MYT1L: variants seen among roughly 807,000 people sequenced by gnomAD.
The protein encoded by MYT1L is myelin transcription factor 1 like.
In MYT1L, 12 loss-of-function variants were observed where a neutral mutation model predicts 126.7. The observed-to-expected ratio is 0.09, with a 90% CI of 0.06 to 0.15. MYT1L has a LOEUF of 0.15. MYT1L is among the 10% of genes least tolerant of loss of function. The probability of loss-of-function intolerance (pLI) is 1.00; values close to 1 mark genes in which losing one functional copy is unlikely to be tolerated. For missense variants in MYT1L, 979 were observed against 1,585.2 expected (o/e 0.62, Z 6.49); for synonymous variants, 541 against 604.2 (o/e 0.90, Z 1.53).
At chr2:1,861,997 A>ATCTGCCTGC (rs1558192114) in intron 18 of MYT1L, among the ~76,000 whole-genome samples, 23 of 151,346 alleles carry the variant, frequency 1.5e-4, no homozygotes, top group South Asian at 2.1e-4. Context: ...GTAATCCTGG[A>ATCTGCCTGC]ATTCGCTGAG....
chr2:2,098,335 T>C (rs532574192), intron 3 of MYT1L, among the ~76,000 whole-genome samples: 10 of 152,340 alleles, frequency 6.6e-5, no homozygotes, highest in Admixed American at 4.6e-4. Context: ...GGTCTGAACA[T>C]TGAATAAGAT....
chr2:2,033,952 G>T (rs73913043), intron 4 of MYT1L, among the ~76,000 whole-genome samples: 19,113 of 152,070 alleles, frequency 0.13, 1,455 homozygotes, highest in African/African-American at 0.19. Flanking sequence ...TTACAGAGAG[G>T]GTCAGCTCAA....
intron 3 of MYT1L, among the ~76,000 whole-genome samples, chr2:2,123,584 C>A (rs899991305): frequency 6.6e-6 from 1 of 152,200 alleles, no homozygotes; most frequent in African/African-American, 2.4e-5. Flanking sequence ...TCCTCCTGCT[C>A]TGGCCTTACA....
chr2:2,211,244 TC>T (rs1443294465), intron 2 of MYT1L, among the ~76,000 whole-genome samples: 1 of 152,238 alleles, frequency 6.6e-6, no homozygotes, highest in African/African-American at 2.4e-5. Context: ...AGTTTAAACA[TC>T]CCTTATAGCC....
chr2:1,803,152 A>C (rs143914396), intron 22 of MYT1L, among the ~76,000 whole-genome samples: 68 of 152,274 alleles, frequency 4.5e-4, no homozygotes, highest in Admixed American at 8.5e-4. Context: ...AGTGAAACGA[A>C]AAAAAAGTTA....
chr2:2,320,161 A>G (rs574057658), intron 1 of MYT1L, among the ~76,000 whole-genome samples: 2 of 152,242 alleles, frequency 1.3e-5, no homozygotes, highest in South Asian at 4.1e-4. Flanking sequence ...GTGGCTGGAA[A>G]GTCCCACTGG....
chr2:1,979,663 G>C lies in MYT1L; in HGVS notation c.55+60C>G, dbSNP rs1283927197. The C allele has an allele frequency of 2.6e-5, 42 of 1,608,876 alleles. No homozygotes were observed. Among genetic ancestry groups the C allele is most frequent in the Non-Finnish European group, 3.3e-5 (39 of 1,175,482 alleles). On this transcript the variant is annotated intron_variant, in intron 6 of 24. Coordinates refer to ENST00000647738, the MANE Select transcript of MYT1L (RefSeq NM_001303052.2). This position sits in a 1 kb window ranked among gnomAD's most constrained non-coding sequence, Gnocchi z 4.0. ...GAAAGTGGGGTCAGAATCGACCTCAGTTCCGCAGGATGAAGGTGACCCTGA... is the reference window on the plus strand; with the variant it reads ...GAAAGTGGGGTCAGAATCGACCTCACTTCCGCAGGATGAAGGTGACCCTGA...
chr2:1,943,150 C>G lies in MYT1L; in HGVS notation c.337G>C (p.Asp113His). The G allele has an allele frequency of 6.5e-7, 1 of 1,539,364 alleles. No homozygotes were observed. Among genetic ancestry groups the G allele is most frequent in the Non-Finnish European group, 8.8e-7 (1 of 1,136,108 alleles). The change falls in exon 9 of 25, where the codon GAC becomes CAC. Residue 113 changes from aspartate (D) to histidine (H), a missense_variant. Around this residue, in one of 12 missense-constraint regions of MYT1L, gnomAD observed 111 missense variants for 115.9 expected, o/e 0.96. Coordinates refer to ENST00000647738, the MANE Select transcript of MYT1L (RefSeq NM_001303052.2). This position sits in a 1 kb window ranked among gnomAD's most constrained non-coding sequence, Gnocchi z 4.4. ...TCCTCATCCCCTGGCTCATCATTGT[C>G]CTCGGAGTACTCCTCCCCCTCATCC... ...EEDEGEEYSE[D>H]NDEPGDEDEE...
intron 13 of MYT1L, among the ~76,000 whole-genome samples, chr2:1,907,446 C>G (rs2051239858): frequency 6.6e-6 from 1 of 152,308 alleles, no homozygotes. Flanking sequence ...GGGACCAGAT[C>G]AGCCCAAGGG....
intron 2 of MYT1L, among the ~76,000 whole-genome samples, chr2:2,239,262 C>T (rs2094390624): frequency 6.6e-6 from 1 of 152,208 alleles, no homozygotes; most frequent in Admixed American, 6.5e-5. Context: ...TGTGCACATG[C>T]ACAGACAGAC....
chr2:2,271,940 A>C (rs1015488487), intron 2 of MYT1L, among the ~76,000 whole-genome samples: 3 of 152,148 alleles, frequency 2.0e-5, no homozygotes, highest in African/African-American at 7.2e-5. Flanking sequence ...AATTCAAATA[A>C]ATTTAGAGGC....
rs1355474130 is a variant in MYT1L at position 1,806,550 on chromosome 2, A to G, written c.3172+2526T>C. Among the ~76,000 whole-genome samples the G allele has an allele frequency of 5.9e-5, 9 of 152,140 alleles. No homozygotes were observed. Among genetic ancestry groups the G allele is most frequent in the Admixed American group, 5.9e-4 (9 of 15,262 alleles). The stretch of plus-strand genomic sequence containing the variant: ...GTTTAGAGTCACAGACCAACTGCTT[A>G]TCTTTATCCCTCCGAGTTAGCACCT... On this transcript the variant is annotated intron_variant, in intron 22 of 24. Coordinates refer to ENST00000647738, the MANE Select transcript of MYT1L (RefSeq NM_001303052.2). This position sits in a 1 kb window ranked among gnomAD's most constrained non-coding sequence, Gnocchi z 4.9.
chr2:2,214,267 A>G (rs2093614504), intron 2 of MYT1L, among the ~76,000 whole-genome samples: 3 of 149,238 alleles, frequency 2.0e-5, no homozygotes, highest in African/African-American at 5.1e-5. Flanking sequence ...TTATCTATCT[A>G]TCTATCTATC....
chr2:2,089,480 T>G (rs764352771), intron 3 of MYT1L, among the ~76,000 whole-genome samples: 1 of 152,118 alleles, frequency 6.6e-6, no homozygotes, highest in Non-Finnish European at 1.5e-5. Context: ...AACAGAAATC[T>G]CGATAGTGTT....
At chr2:2,151,160 C>G (rs927155671) in intron 3 of MYT1L, among the ~76,000 whole-genome samples, 1 of 152,088 alleles carries the variant, frequency 6.6e-6, no homozygotes, top group Non-Finnish European at 1.5e-5. Context: ...AGTTATAACT[C>G]GACCAGCTTT....
At chr2:1,882,983 T>C (rs2047750133) in intron 18 of MYT1L, among the ~76,000 whole-genome samples, 1 of 152,142 alleles carries the variant, frequency 6.6e-6, no homozygotes, top group South Asian at 2.1e-4. Context: ...AAGCTGAAAA[T>C]GCCTAGGATA....
intron 8 of MYT1L, among the ~76,000 whole-genome samples, chr2:1,969,583 A>C (rs2059651685): frequency 6.6e-6 from 1 of 152,164 alleles, no homozygotes; most frequent in Non-Finnish European, 1.5e-5. Flanking sequence ...GGCTCTAGGA[A>C]GGCGGCCCCG....
In MYT1L at chr2:1,917,281, G is replaced by A. The variant is rs758699590; in HGVS notation, c.1542C>T (p.Thr514=). The stretch of plus-strand genomic sequence containing the variant: ...GTGGGTACAGCCCAGTTACGTGGCC[G>A]GTTCCATCACACCCGGGGGTTGGAC... ...SKCPTPGCDG[T]GHVTGLYPHH... Residue 514 remains threonine (T), a synonymous_variant, in exon 11 of 25, where the codon ACC becomes ACT. Coordinates refer to ENST00000647738, the MANE Select transcript of MYT1L (RefSeq NM_001303052.2). This position sits in a 1 kb window ranked among gnomAD's most constrained non-coding sequence, Gnocchi z 5.9. 24 of 1,613,156 alleles carry A rather than the reference G, an allele frequency of 1.5e-5. No individual in the cohort carries two copies. In the Admixed American group the frequency reaches 2.0e-4, roughly 13 times the overall value.
At chr2:2,140,952 A>G (rs2083891543) in intron 3 of MYT1L, among the ~76,000 whole-genome samples, 1 of 152,168 alleles carries the variant, frequency 6.6e-6, no homozygotes, top group African/African-American at 2.4e-5. Context: ...TTTTTTTTAA[A>G]TTAACCCAAA....
Sources: allele counts gnomAD v4.1 joint callset (sites outside exome capture counted in the v4.1 genomes callset), GRCh38; gene constraint gnomAD v4.1.1; regional missense constraint gnomAD v4.1.1; non-coding constraint Gnocchi (gnomAD v3.1); transcripts MANE v1.5; gene names NCBI Gene and HGNC (gene_info 2026-07-23, HGNC 2026-07-21).